Variants in TMEM135 observed in about 807,000 individuals in gnomAD.
The protein encoded by TMEM135 is transmembrane protein 135, also known as peroxisomal membrane protein 52.
A neutral mutation model predicts 60.3 loss-of-function variants in TMEM135; 30 were observed. That is an observed-to-expected ratio of 0.50 (90% CI 0.37 to 0.68). The LOEUF is 0.68. TMEM135 is among the 30% of genes least tolerant of loss of function. The pLI, the probability that TMEM135 is intolerant of heterozygous loss-of-function variation, is 0.00. For synonymous variants in TMEM135, 190 were observed against 186.7 expected, an observed-to-expected ratio of 1.02 and a Z score of -0.14; for missense variants, 468 against 548.8, an observed-to-expected ratio of 0.85 and a Z score of 1.47.
chr11:87,259,073 G>T, intron 6 of TMEM135: 1 of 1,231,966 alleles, frequency 8.1e-7, no homozygotes. Flanking sequence ...AAGAGGGAGA[G>T]AAAGAAGAGG....
intron 6 of TMEM135, among the ~76,000 whole-genome samples, chr11:87,274,546 AC>A (rs1353631146): frequency 1.3e-5 from 2 of 152,198 alleles, no homozygotes; most frequent in African/African-American, 2.4e-5. Context: ...TAGGAGTCTT[AC>A]GGCAAAAATT....
At chr11:87,216,044 AT>A (rs1390732679) in intron 5 of TMEM135, among the ~76,000 whole-genome samples, 1 of 152,106 alleles carries the variant, frequency 6.6e-6, no homozygotes, top group Non-Finnish European at 1.5e-5. Context: ...TAACTGTTCT[AT>A]TTTTTATTAT....
At chr11:87,223,727 G>C (rs1276724167) in intron 5 of TMEM135, among the ~76,000 whole-genome samples, 1 of 133,626 alleles carries the variant, frequency 7.5e-6, no homozygotes, top group African/African-American at 2.6e-5. Context: ...GTGTATGCCT[G>C]TGATTCCAGC....
intron 5 of TMEM135, among the ~76,000 whole-genome samples, chr11:87,210,734 G>A (rs1183183371): frequency 6.6e-6 from 1 of 152,092 alleles, no homozygotes; most frequent in East Asian, 1.9e-4. Flanking sequence ...GATGAATATA[G>A]ATGCAAAAAT....
chr11:87,300,648 G>GTTCA (rs560810072), intron 7 of TMEM135, among the ~76,000 whole-genome samples: 56 of 152,278 alleles, frequency 3.7e-4, no homozygotes, highest in Middle Eastern at 3.4e-3. Flanking sequence ...CTATTACTAT[G>GTTCA]TTCATTCATT....
At chr11:87,321,004 A>C (rs1409871772) in intron 14 of TMEM135, among the ~76,000 whole-genome samples, 197 bp from the exon 15 acceptor site, 1 of 152,134 alleles carries the variant, frequency 6.6e-6, no homozygotes, top group African/African-American at 2.4e-5. Flanking sequence ...TAACTGGATT[A>C]TCTCTTTAAA....
At chr11:87,100,138 G>T (rs1857424328) in intron 4 of TMEM135, among the ~76,000 whole-genome samples, 1 of 152,070 alleles carries the variant, frequency 6.6e-6, no homozygotes, top group African/African-American at 2.4e-5. Flanking sequence ...AAAAATTTCT[G>T]GGAAAATGCA....
intron 6 of TMEM135, among the ~76,000 whole-genome samples, chr11:87,260,874 G>A (rs1941638051): frequency 6.6e-6 from 1 of 152,106 alleles, no homozygotes; most frequent in Non-Finnish European, 1.5e-5. Context: ...TTTTAAAAAT[G>A]CAGATTAAGA....
intron 6 of TMEM135, among the ~76,000 whole-genome samples, chr11:87,273,129 A>G (rs1325527216): frequency 6.6e-6 from 1 of 152,158 alleles, no homozygotes; most frequent in East Asian, 1.9e-4. Flanking sequence ...TTTCTTCACT[A>G]GGGCTAGGAT....
At chr11:87,148,293 T>C (rs921378883) in intron 4 of TMEM135, among the ~76,000 whole-genome samples, 1 of 152,210 alleles carries the variant, frequency 6.6e-6, no homozygotes, top group Admixed American at 6.5e-5. Context: ...GCAATCTCTT[T>C]AGCAGAGGTC....
intron 4 of TMEM135, among the ~76,000 whole-genome samples, chr11:87,107,727 T>A (rs923419493): frequency 1.3e-5 from 2 of 152,144 alleles, no homozygotes; most frequent in Non-Finnish European, 2.9e-5. Context: ...TAAACATACG[T>A]GTGCATGTGT....
intron 5 of TMEM135, among the ~76,000 whole-genome samples, chr11:87,169,874 G>A (rs1939182426): frequency 6.6e-6 from 1 of 152,064 alleles, no homozygotes; most frequent in South Asian, 2.1e-4. Context: ...AAGTTCTTCT[G>A]GGTAATATCC....
intron 1 of TMEM135, among the ~76,000 whole-genome samples, chr11:87,038,440 G>A (rs1404637138): frequency 6.6e-6 from 1 of 152,048 alleles, no homozygotes; most frequent in Non-Finnish European, 1.5e-5. Flanking sequence ...CTAGGAAGAG[G>A]ATGGCTCCCA....
chr11:87,132,296 C>A (rs766678945), intron 4 of TMEM135, among the ~76,000 whole-genome samples: 1 of 152,084 alleles, frequency 6.6e-6, no homozygotes, highest in Non-Finnish European at 1.5e-5. Context: ...CTTGAGATAA[C>A]ACATACAGTA....
At chr11:87,061,396 A>G (rs1949945926) in intron 1 of TMEM135, among the ~76,000 whole-genome samples, 1 of 152,242 alleles carries the variant, frequency 6.6e-6, no homozygotes, top group Admixed American at 6.5e-5. Flanking sequence ...ACAACAGATG[A>G]TCTGGCCCAA....
intron 4 of TMEM135, among the ~76,000 whole-genome samples, chr11:87,092,379 C>A (rs565083683): frequency 2.5e-4 from 38 of 152,120 alleles, no homozygotes; most frequent in Non-Finnish European, 4.4e-4. Flanking sequence ...CCTTTTGAGT[C>A]ATAGACCTCT....
chr11:87,276,558 TTGTG>T (rs199780176), intron 6 of TMEM135, among the ~76,000 whole-genome samples: 18 of 148,858 alleles, frequency 1.2e-4, no homozygotes, highest in African/African-American at 2.5e-4. Context: ...ATAAGAGTGT[TTGTG>T]TGTGTGTGTG....
At chr11:87,056,332 T>A (rs1239892535) in intron 1 of TMEM135, among the ~76,000 whole-genome samples, 1 of 152,156 alleles carries the variant, frequency 6.6e-6, no homozygotes, top group Non-Finnish European at 1.5e-5. Flanking sequence ...AAATGGAGCC[T>A]CTCTGGCTTG....
chr11:87,191,252 T>C (rs1464402972), intron 5 of TMEM135, among the ~76,000 whole-genome samples: 4 of 151,762 alleles, frequency 2.6e-5, no homozygotes, highest in Non-Finnish European at 5.9e-5. Flanking sequence ...TATTTTTTTT[T>C]TTTTCTGAGA....
Sources: allele counts gnomAD v4.1 joint callset (sites outside exome capture counted in the v4.1 genomes callset), GRCh38; gene constraint gnomAD v4.1.1; transcripts MANE v1.5; gene names NCBI Gene and HGNC (gene_info 2026-07-23, HGNC 2026-07-21).